The following NSMCE2 variants were observed in gnomAD, a reference collection of about 807,000 sequenced individuals.
The protein encoded by NSMCE2 is NSE2 SUMO ligase component of SMC5/6 complex, also known as E3 SUMO-protein ligase NSE2.
A neutral mutation model predicts 23.8 loss-of-function variants in NSMCE2; 24 were observed. That is an observed-to-expected ratio of 1.01 (90% CI 0.73 to 1.42). The LOEUF is 1.42. Among genes scored for constraint, NSMCE2 ranks in the 40% most tolerant of loss-of-function variants. NSMCE2 has a pLI of 0.00. For synonymous variants in NSMCE2, 92 were observed against 94.1 expected (o/e 0.98, Z 0.13); for missense variants, 284 against 296.5 (o/e 0.96, Z 0.31).
In NSMCE2 at chr8:125,275,425, T is replaced by G. The variant is rs191251027; in HGVS notation, c.419-81794T>G. Among the ~76,000 whole-genome samples, 131 of 152,344 alleles carry G rather than the reference T, an allele frequency of 8.6e-4. 1 individual carries two copies. Among genetic ancestry groups the G allele is most frequent in the African/African-American group, 2.9e-3 (119 of 41,580 alleles). ...TCCACTAGAGAAGTGCCACTCTTTATTCTTCCCTGTACCCTCCCATGGTAT... is the reference window on the plus strand; with the variant it reads ...TCCACTAGAGAAGTGCCACTCTTTAGTCTTCCCTGTACCCTCCCATGGTAT... On this transcript the variant is annotated intron_variant, in intron 5 of 7. Transcript: ENST00000287437.
At chr8:125,345,214 T>C (rs1830391845) in intron 5 of NSMCE2, among the ~76,000 whole-genome samples, 2 of 150,786 alleles carry the variant, frequency 1.3e-5, no homozygotes, top group African/African-American at 5.0e-5. Flanking sequence ...GTTTATTTCT[T>C]CCACCAATGT....
intron 3 of NSMCE2, among the ~76,000 whole-genome samples, chr8:125,110,759 G>GT (rs1387354813): frequency 3.1e-4 from 18 of 58,122 alleles, no homozygotes; most frequent in African/African-American, 8.0e-4. Flanking sequence ...TTTGGTTGTT[G>GT]TTGTTTTTTT....
intron 5 of NSMCE2, among the ~76,000 whole-genome samples, chr8:125,292,380 C>T (rs187778632): frequency 2.6e-4 from 40 of 152,118 alleles, no homozygotes; most frequent in Admixed American, 1.6e-3. Context: ...CATGGTGAAA[C>T]CCCATCTCTA....
chr8:125,209,892 A>T (rs1435444350), intron 5 of NSMCE2, among the ~76,000 whole-genome samples: 2 of 152,244 alleles, frequency 1.3e-5, no homozygotes, highest in Admixed American at 6.5e-5. Context: ...AAGAGAATAT[A>T]TCACAGAGTG....
chr8:125,267,593 C>G (rs1349733764), intron 5 of NSMCE2, among the ~76,000 whole-genome samples: 1 of 152,032 alleles, frequency 6.6e-6, no homozygotes, highest in Non-Finnish European at 1.5e-5. Flanking sequence ...CAGGATCAAC[C>G]TGGGCAACAT....
intron 5 of NSMCE2, among the ~76,000 whole-genome samples, chr8:125,316,270 T>C (rs6986712): frequency 0.45 from 68,298 of 152,170 alleles, 17,731 homozygotes; most frequent in Non-Finnish European, 0.56. Context: ...TTCAGAACAA[T>C]TCACCTTCTA....
intron 3 of NSMCE2, among the ~76,000 whole-genome samples, chr8:125,126,108 C>T (rs997939933): frequency 5.3e-5 from 8 of 152,080 alleles, no homozygotes; most frequent in East Asian, 1.9e-4. Context: ...GTCATCCAGG[C>T]GGGGTGACTC....
chr8:125,107,505 C>T (rs949825164), intron 3 of NSMCE2, among the ~76,000 whole-genome samples: 3 of 151,976 alleles, frequency 2.0e-5, no homozygotes, highest in African/African-American at 7.2e-5. Context: ...CAAGGACATT[C>T]TTAAATGAAA....
chr8:125,230,176 T>C (rs1825263249), intron 5 of NSMCE2, among the ~76,000 whole-genome samples: 1 of 152,240 alleles, frequency 6.6e-6, no homozygotes, highest in Non-Finnish European at 1.5e-5. Context: ...CCTAAACGTG[T>C]CTTCCAGACA....
chr8:125,328,769 T>A lies in NSMCE2; in HGVS notation c.419-28450T>A, dbSNP rs1213321261. Among the ~76,000 whole-genome samples the A allele has an allele frequency of 2.0e-5, 3 of 152,166 alleles. No individual in the cohort carries two copies. The East Asian group carries it at 5.8e-4, about 29-fold the overall frequency. Reference sequence around the variant, plus strand: ...CATCCCTGTCATCTGGGTCTCCACTTTCTGTTTTTTTTTCTGTTTTATTTT... The same window carrying A: ...CATCCCTGTCATCTGGGTCTCCACTATCTGTTTTTTTTTCTGTTTTATTTT... On this transcript the variant is annotated intron_variant, in intron 5 of 7. Transcript: ENST00000287437.
intron 5 of NSMCE2, among the ~76,000 whole-genome samples, chr8:125,305,719 G>A (rs1586744598): frequency 6.6e-6 from 1 of 152,298 alleles, no homozygotes; most frequent in East Asian, 1.9e-4. Context: ...CTCAGTTTAG[G>A]AGTTTAGAAA....
At chr8:125,330,181 CT>C (rs796167561) in intron 5 of NSMCE2, among the ~76,000 whole-genome samples, 35 of 136,582 alleles carry the variant, frequency 2.6e-4, no homozygotes, top group Non-Finnish European at 3.2e-4. Flanking sequence ...TTTTTTCTTT[CT>C]TTTTTTTTTT....
chr8:125,127,308 T>A (rs900865714), intron 3 of NSMCE2, among the ~76,000 whole-genome samples: 1 of 152,120 alleles, frequency 6.6e-6, no homozygotes, highest in Non-Finnish European at 1.5e-5. Flanking sequence ...GCACTGAGAA[T>A]GTGTGCTGAG....
At chr8:125,337,836 G>C (rs1200789477) in intron 5 of NSMCE2, among the ~76,000 whole-genome samples, 1 of 149,088 alleles carries the variant, frequency 6.7e-6, no homozygotes, top group African/African-American at 2.5e-5. Context: ...TGGAGGTTGC[G>C]GTGAGCCAAG....
chr8:125,203,269 T>G (rs1209481295), intron 5 of NSMCE2, among the ~76,000 whole-genome samples: 1 of 152,118 alleles, frequency 6.6e-6, no homozygotes, highest in Non-Finnish European at 1.5e-5. Flanking sequence ...ATATATAATT[T>G]TTTTAGTACC....
At chr8:125,316,022 G>T (rs571102236) in intron 5 of NSMCE2, among the ~76,000 whole-genome samples, 7 of 152,084 alleles carry the variant, frequency 4.6e-5, no homozygotes, top group Non-Finnish European at 1.0e-4. Flanking sequence ...GCCCGGGCTG[G>T]TCTCAAATTC....
chr8:125,259,951 A>G lies in NSMCE2; in HGVS notation c.418+77695A>G, dbSNP rs544898934. On this transcript the variant is annotated intron_variant, in intron 5 of 7. Transcript: ENST00000287437. The stretch of plus-strand genomic sequence containing the variant: ...CTGGAAACTGCATTGGGCTCATGTA[A>G]TCCAACCTCTTCTCTTATAGATGAA... 9.8e-5 allele frequency among the ~76,000 whole-genome samples: 15 copies of G among 152,306 alleles called. No individual in the cohort carries two copies. The South Asian group carries it at 2.9e-3, about 29-fold the overall frequency.
chr8:125,336,266 T>C (rs751290899), intron 5 of NSMCE2, among the ~76,000 whole-genome samples: 1 of 152,216 alleles, frequency 6.6e-6, no homozygotes, highest in Non-Finnish European at 1.5e-5. Flanking sequence ...AATAATCAAT[T>C]ACTCAATTAA....
intron 3 of NSMCE2, among the ~76,000 whole-genome samples, chr8:125,142,910 A>G (rs919430263): frequency 1.3e-5 from 2 of 152,186 alleles, no homozygotes; most frequent in Non-Finnish European, 2.9e-5. Flanking sequence ...CCATGTATTC[A>G]GTTTTAATTT....
Sources: gnomAD v4.1 joint callset for allele counts (sites outside exome capture counted in the v4.1 genomes callset) on GRCh38, gnomAD v4.1.1 for gene constraint, MANE v1.5 for transcripts, NCBI Gene and HGNC (gene_info 2026-07-23, HGNC 2026-07-21) for gene names.